Variants in XKR6 observed in about 807,000 individuals in gnomAD.
XKR6 encodes the protein XK related 6, also known as XK-related protein 6.
In XKR6, 22 loss-of-function variants were observed where a neutral mutation model predicts 56.7. The observed-to-expected ratio is 0.39, with a 90% confidence interval of 0.28 to 0.55. XKR6 has a LOEUF of 0.55. Among genes scored for constraint, XKR6 ranks in the 20% least tolerant of loss-of-function variants. The pLI, the probability that XKR6 is intolerant of heterozygous loss-of-function variation, is 0.66. For synonymous variants in XKR6, 524 were observed against 387.8 expected (o/e 1.35, Z -4.13); for missense variants, 852 against 889.0 (o/e 0.96, Z 0.53).
chr8:10,964,237 T>C (rs564851638), intron 1 of XKR6, among the ~76,000 whole-genome samples: 3 of 152,230 alleles, frequency 2.0e-5, no homozygotes, highest in African/African-American at 4.8e-5. Context: ...GTGGGAGAAA[T>C]GAATGGTTGG....
intron 1 of XKR6, among the ~76,000 whole-genome samples, chr8:10,977,815 G>A (rs546991965): frequency 9.0e-4 from 136 of 151,682 alleles, no homozygotes; most frequent in Middle Eastern, 6.8e-3. Flanking sequence ...GTGTGTGGAA[G>A]GATCCAGTGA....
At chr8:11,080,812 G>A (rs1320700530) in intron 1 of XKR6, among the ~76,000 whole-genome samples, 1 of 152,254 alleles carries the variant, frequency 6.6e-6, no homozygotes, top group African/African-American at 2.4e-5. Flanking sequence ...GCCACTCTGT[G>A]GCTTATGCAG....
chr8:11,167,783 T>C (rs1001201534), intron 1 of XKR6, among the ~76,000 whole-genome samples: 1 of 151,984 alleles, frequency 6.6e-6, no homozygotes, highest in African/African-American at 2.4e-5. Flanking sequence ...TTTTGTTTGT[T>C]TATTTGTTTT....
chr8:11,090,731 T>G (rs1174768292), intron 1 of XKR6, among the ~76,000 whole-genome samples: 1 of 151,626 alleles, frequency 6.6e-6, no homozygotes, highest in African/African-American at 2.4e-5. Flanking sequence ...AAATTGGGTC[T>G]TTTTTTCCTT....
At chr8:10,916,684 C>A (rs534156016) in intron 2 of XKR6, among the ~76,000 whole-genome samples, 2 of 152,286 alleles carry the variant, frequency 1.3e-5, no homozygotes, top group South Asian at 4.1e-4. Context: ...GCTGATGCTT[C>A]ATGTGGGATG....
intron 1 of XKR6, among the ~76,000 whole-genome samples, chr8:11,048,926 G>A (rs181689705): frequency 6.6e-6 from 1 of 152,338 alleles, no homozygotes; most frequent in African/African-American, 2.4e-5. Context: ...AATTAAGTGG[G>A]CTTGGCTGGC....
At chr8:11,054,226 G>A (rs1236318096) in intron 1 of XKR6, among the ~76,000 whole-genome samples, 2 of 152,142 alleles carry the variant, frequency 1.3e-5, no homozygotes, top group East Asian at 3.8e-4. Flanking sequence ...TCTGGACATG[G>A]CCATTGTTCC....
intron 1 of XKR6, among the ~76,000 whole-genome samples, chr8:11,118,431 C>G (rs892342858): frequency 1.3e-5 from 2 of 152,192 alleles, no homozygotes; most frequent in African/African-American, 4.8e-5. Context: ...GTGAAACCCT[C>G]TGGTCCTGGA....
intron 1 of XKR6, among the ~76,000 whole-genome samples, chr8:10,983,732 T>C (rs568950761): frequency 6.6e-6 from 1 of 151,974 alleles, no homozygotes; most frequent in African/African-American, 2.4e-5. Flanking sequence ...CTCAGCTCAC[T>C]GCAAGCTCCG....
chr8:11,192,488 G>A (rs970676892), intron 1 of XKR6, among the ~76,000 whole-genome samples: 3 of 151,882 alleles, frequency 2.0e-5, no homozygotes, highest in Non-Finnish European at 2.9e-5. Context: ...GGTGGCACAC[G>A]CCTCAAGCCC....
chr8:11,182,068 C>G (rs1316002238), intron 1 of XKR6, among the ~76,000 whole-genome samples: 3 of 152,192 alleles, frequency 2.0e-5, no homozygotes, highest in Non-Finnish European at 4.4e-5. Context: ...CATGAGCCAC[C>G]ACGCCCAGTT....
intron 1 of XKR6, among the ~76,000 whole-genome samples, chr8:10,955,935 C>T (rs1801872718): frequency 6.6e-6 from 1 of 152,160 alleles, no homozygotes; most frequent in African/African-American, 2.4e-5. Flanking sequence ...TCCTTGTTGC[C>T]CTGGGCTTCA....
chr8:11,092,126 A>G (rs571201087), intron 1 of XKR6, among the ~76,000 whole-genome samples: 2 of 152,352 alleles, frequency 1.3e-5, no homozygotes, highest in South Asian at 2.1e-4. Context: ...CTTAAATTAC[A>G]TGAGGTTGTG....
chr8:11,088,158 C>G (rs1797954449), intron 1 of XKR6, among the ~76,000 whole-genome samples: 1 of 152,152 alleles, frequency 6.6e-6, no homozygotes, highest in African/African-American at 2.4e-5. Flanking sequence ...AGGCTGACAC[C>G]TTGTAACACT....
rs956869294 is a variant in XKR6, at chr8:10,924,492, C to A, written c.961+142G>T. ...TGGTGTGGGCCCCGTCAGCACTGCACTGGGGGCCGGGCGTCCTGGGGACTC... is the reference window on the plus strand; with the variant it reads ...TGGTGTGGGCCCCGTCAGCACTGCAATGGGGGCCGGGCGTCCTGGGGACTC... On this transcript the variant is annotated intron_variant, in intron 2 of 2. Transcript: ENST00000416569. 1.4e-5 allele frequency: 14 copies of A among 984,074 alleles called. No individual in the cohort carries two copies. The African/African-American group carries it at 2.1e-4, about 15-fold the overall frequency. 61.0% of individuals were successfully genotyped at this position (984,074 alleles called of 1,614,324 possible). A position where few individuals can be genotyped will look rare whatever the true frequency, so the allele number is the denominator to read the frequency against.
intron 1 of XKR6, among the ~76,000 whole-genome samples, chr8:11,037,812 C>T (rs1399143333): frequency 3.3e-5 from 5 of 149,284 alleles, no homozygotes; most frequent in South Asian, 2.1e-4. Flanking sequence ...GAGCCGAGAT[C>T]GTGCCACTGC....
intron 1 of XKR6, among the ~76,000 whole-genome samples, chr8:11,043,121 C>G (rs1460480512): frequency 6.6e-6 from 1 of 151,926 alleles, no homozygotes; most frequent in Non-Finnish European, 1.5e-5. Context: ...GAACTCCATG[C>G]ATTATGGGAG....
At chr8:10,972,472 C>T (rs935207774) in intron 1 of XKR6, among the ~76,000 whole-genome samples, 1 of 152,204 alleles carries the variant, frequency 6.6e-6, no homozygotes, top group Non-Finnish European at 1.5e-5. Context: ...TGCTAATGGG[C>T]ACTCCCGACT....
intron 1 of XKR6, among the ~76,000 whole-genome samples, chr8:11,122,118 C>G (rs1384954313): frequency 6.6e-6 from 1 of 152,182 alleles, no homozygotes; most frequent in Non-Finnish European, 1.5e-5. Context: ...CAAGGCCAAT[C>G]CAGATGAACT....
Sources: gnomAD v4.1 joint callset for allele counts (sites outside exome capture counted in the v4.1 genomes callset) on GRCh38, gnomAD v4.1.1 for gene constraint, MANE v1.5 for transcripts, NCBI Gene and HGNC (gene_info 2026-07-23, HGNC 2026-07-21) for gene names.